The following ASNS variants were observed in gnomAD, a reference collection of about 807,000 sequenced individuals.
ASNS encodes asparagine synthetase [glutamine-hydrolyzing].
A neutral mutation model predicts 62.6 loss-of-function variants in ASNS; 37 were observed. The observed-to-expected ratio is 0.59, with a 90% CI of 0.45 to 0.78. ASNS has a LOEUF of 0.78. Ranked by LOEUF, ASNS falls within the 30% of genes least tolerant of loss-of-function variation. ASNS has a pLI of 0.00. For missense variants in ASNS, 520 were observed against 682.4 expected (o/e 0.76, Z 2.65); for synonymous variants, 207 against 237.9 (o/e 0.87, Z 1.19).
At chr7:97,877,123 C>T (rs1792456987), upstream of ASNS, among the ~76,000 whole-genome samples, 1 of 141,818 alleles carries the variant, frequency 7.1e-6, no homozygotes, top group Non-Finnish European at 1.5e-5. Context: ...GAGATGGAGT[C>T]TCTCTCTGTT....
At chr7:97,926,846 T>C in the ASNS span, among the ~76,000 whole-genome samples, 1 of 152,148 alleles carries the variant, frequency 6.6e-6, no homozygotes, top group Non-Finnish European at 1.5e-5. Context: ...ATCATCATTT[T>C]AGCCTCCAGA....
chr7:97,857,200 T>C (rs1376787397), intron 7 of ASNS, among the ~76,000 whole-genome samples: 1 of 152,188 alleles, frequency 6.6e-6, no homozygotes, highest in Admixed American at 6.5e-5. Context: ...AGGATGTTAT[T>C]CTTATATAGA....
chr7:97,905,364 C>T, the ASNS span, among the ~76,000 whole-genome samples: 141 of 152,274 alleles, frequency 9.3e-4, 1 homozygote, highest in South Asian at 4.8e-3. Context: ...TGACTTGCCT[C>T]GCAACTGCCC....
At chr7:97,866,322 G>A (rs1791965324) in intron 3 of ASNS, among the ~76,000 whole-genome samples, 1 of 152,196 alleles carries the variant, frequency 6.6e-6, no homozygotes, top group Non-Finnish European at 1.5e-5. Flanking sequence ...CCCAGGGGTG[G>A]ATGACAATGC....
chr7:97,923,794 C>G, the ASNS span, among the ~76,000 whole-genome samples: 1 of 152,188 alleles, frequency 6.6e-6, no homozygotes, highest in African/African-American at 2.4e-5. Flanking sequence ...CCTCCAGTAC[C>G]TGATAGGTCC....
the ASNS span, among the ~76,000 whole-genome samples, chr7:97,881,906 G>A: frequency 6.6e-6 from 1 of 151,958 alleles, no homozygotes; most frequent in Non-Finnish European, 1.5e-5. Context: ...CAGCTGATAC[G>A]CCTCATGGGG....
At chr7:97,888,326 CTTT>C in the ASNS span, among the ~76,000 whole-genome samples, 8 of 132,412 alleles carry the variant, frequency 6.0e-5, no homozygotes. Flanking sequence ...GGGTTGCTTT[CTTT>C]TTTTTTTTTT....
chr7:97,916,488 T>C, the ASNS span, among the ~76,000 whole-genome samples: 1 of 152,178 alleles, frequency 6.6e-6, no homozygotes, highest in Non-Finnish European at 1.5e-5. Context: ...AGATGAAAAT[T>C]AAGCAACTCT....
chr7:97,926,564 G>A, the ASNS span, among the ~76,000 whole-genome samples: 6 of 152,242 alleles, frequency 3.9e-5, no homozygotes, highest in East Asian at 9.7e-4. Flanking sequence ...AAACTAAAAG[G>A]GAAGAGGAAT....
At position 97,852,401 on chromosome 7, in the gene ASNS, C is replaced by A. The variant is rs1441740175; in HGVS notation, c.1544G>T (p.Gly515Val). Residue 515 changes from glycine to valine, a missense_variant, in exon 13 of 13, where the codon GGA becomes GTA. Coordinates refer to ENST00000394308, the MANE Select transcript of ASNS (RefSeq NM_001673.5). ...TTCAAAGACTTGACGGTAGTAATAT[C>A]CTTCTTTGGTTTTAGGAGTATTGAA... ...FPFNTPKTKEGYYYRQVFERH... is the reference protein window; with the variant it reads ...FPFNTPKTKEVYYYRQVFERH... The A allele has an allele frequency of 1.2e-6, 2 of 1,614,114 alleles. No individual in the cohort carries two copies. The highest frequency in any genetic ancestry group is 1.7e-6 in the Non-Finnish European group (2 of 1,180,026).
intron 1 of ASNS, chr7:97,870,273 A>G: frequency 1.6e-6 from 1 of 619,338 alleles, no homozygotes; most frequent in South Asian, 2.4e-5. Flanking sequence ...CGTTTTGAGA[A>G]TGTCAATGGA....
the ASNS span, among the ~76,000 whole-genome samples, chr7:97,893,404 T>C: frequency 6.6e-6 from 1 of 152,226 alleles, no homozygotes; most frequent in African/African-American, 2.4e-5. Flanking sequence ...TAACTTCGAA[T>C]ATGGGTTAAA....
chr7:97,927,357 G>A, the ASNS span, among the ~76,000 whole-genome samples: 5,361 of 140,224 alleles, frequency 0.038, 306 homozygotes, highest in African/African-American at 0.13. Context: ...TTCTATGGAC[G>A]AGCATCCCTT....
chr7:97,855,387 T>A lies in ASNS; in HGVS notation c.1103A>T (p.Asp368Val). The change falls in exon 9 of 13, where the codon GAT becomes GTT. Residue 368 changes from aspartate (D) to valine (V), a missense_variant. By Grantham distance (152) the Asp-to-Val change is radical. Transcript: ENST00000394308. ...SVVIFSGEGS[D>V]ELTQGYIYFH... ...ATATATGTAACCCTGCGTAAGTTCA[T>A]CTGATCCTTCTCCAGAGAAGATCAC... 1 of 1,613,020 alleles carries A rather than the reference T, an allele frequency of 6.2e-7. No homozygotes were observed. The highest frequency in any genetic ancestry group is 8.5e-7 in the Non-Finnish European group (1 of 1,179,614).
the ASNS span, among the ~76,000 whole-genome samples, chr7:97,887,614 C>T: frequency 1.3e-5 from 2 of 152,200 alleles, no homozygotes; most frequent in Admixed American, 6.5e-5. Context: ...CCAGGCCAGA[C>T]TGCTGCTTCC....
the ASNS span, among the ~76,000 whole-genome samples, chr7:97,910,083 T>C: frequency 2.0e-5 from 3 of 152,052 alleles, no homozygotes; most frequent in Non-Finnish European, 2.9e-5. Flanking sequence ...AGAGCCCAAC[T>C]TGAAGTTTCA....
chr7:97,858,214 A>G lies in ASNS; in HGVS notation c.903+64T>C, dbSNP rs565975193. 4.4e-6 allele frequency: 7 copies of G among 1,578,980 alleles called. No individual in the cohort carries two copies. In the African/African-American group the frequency reaches 5.4e-5, roughly 12 times the overall value. On this transcript the variant is annotated intron_variant, in intron 7 of 12. Transcript: ENST00000394308. ...AGTAGAATCACCCATTATTGACTCC[A>G]TTTTCATTCTAATAACAAGTCTACT...
At chr7:97,910,508 G>C in the ASNS span, among the ~76,000 whole-genome samples, 1 of 152,220 alleles carries the variant, frequency 6.6e-6, no homozygotes, top group South Asian at 2.1e-4. Context: ...AACCTGCGCT[G>C]AAAGGCACCC....
At chr7:97,882,707 G>A in the ASNS span, among the ~76,000 whole-genome samples, 1 of 152,112 alleles carries the variant, frequency 6.6e-6, no homozygotes. Flanking sequence ...CAAGCAGGGG[G>A]AGTGATGGTG....
Sources: gnomAD v4.1 joint callset for allele counts (sites outside exome capture counted in the v4.1 genomes callset) on GRCh38, gnomAD v4.1.1 for gene constraint, MANE v1.5 for transcripts, NCBI Gene and HGNC (gene_info 2026-07-23, HGNC 2026-07-21) for gene names.